SLC35D4: variants seen among roughly 807,000 people sequenced by gnomAD.
SLC35D4 encodes solute carrier family 35 member D4, also known as UDP-N-acetylglucosamine transporter SLC35D4.
chr18:23,424,579 C>A, the SLC35D4 span, among the ~76,000 whole-genome samples: 89 of 152,298 alleles, frequency 5.8e-4, no homozygotes, highest in South Asian at 2.7e-3. Flanking sequence ...TATGCACATT[C>A]GCTAAGTCCC....
chr18:23,364,912 A>G, the SLC35D4 span, among the ~76,000 whole-genome samples: 1 of 1,514 alleles, frequency 6.6e-4, no homozygotes, highest in Admixed American at 0.014. Context: ...CAAAAAAAAA[A>G]AAAAAAAAAA....
chr18:23,365,804 C>T, the SLC35D4 span: 107,361 of 925,350 alleles, frequency 0.12, 6,888 homozygotes, highest in Middle Eastern at 0.16. Flanking sequence ...TGCCTAAATC[C>T]AGCTCCTCAG....
At chr18:23,246,295 A>C in the SLC35D4 span, among the ~76,000 whole-genome samples, 942 of 152,060 alleles carry the variant, frequency 6.2e-3, 7 homozygotes, top group African/African-American at 0.019. Flanking sequence ...GTGGTCACTC[A>C]GACTGTCCCA....
chr18:23,251,343 C>T, the SLC35D4 span, among the ~76,000 whole-genome samples: 4 of 152,176 alleles, frequency 2.6e-5, no homozygotes, highest in South Asian at 2.1e-4. Context: ...TCCAGCTACT[C>T]GGAAGGCTGA....
At chr18:23,245,311 C>T in the SLC35D4 span, among the ~76,000 whole-genome samples, 2 of 152,058 alleles carry the variant, frequency 1.3e-5, no homozygotes, top group Non-Finnish European at 2.9e-5. Flanking sequence ...AGTTGGAGAC[C>T]AGCCTAGCCA....
the SLC35D4 span, among the ~76,000 whole-genome samples, chr18:23,246,503 T>C: frequency 3.3e-5 from 5 of 151,840 alleles, no homozygotes; most frequent in Non-Finnish European, 7.4e-5. Flanking sequence ...GCCATTCTCC[T>C]GCGTCAGCCT....
chr18:23,371,065 C>G, the SLC35D4 span, among the ~76,000 whole-genome samples: 1 of 150,930 alleles, frequency 6.6e-6, no homozygotes, highest in Admixed American at 6.6e-5. Context: ...TTCCCACCCT[C>G]CCTCTCTCCT....
chr18:23,424,726 G>A, the SLC35D4 span, among the ~76,000 whole-genome samples: 1 of 152,152 alleles, frequency 6.6e-6, no homozygotes, highest in African/African-American at 2.4e-5. Context: ...TTGCTATGAG[G>A]CTGGGCACAG....
chr18:23,408,943 T>C, the SLC35D4 span, among the ~76,000 whole-genome samples: 1 of 151,920 alleles, frequency 6.6e-6, no homozygotes, highest in Non-Finnish European at 1.5e-5. Flanking sequence ...CAGACCAGCC[T>C]GGCCAACATA....
chr18:23,364,915 A>G, the SLC35D4 span, among the ~76,000 whole-genome samples: 5 of 1,858 alleles, frequency 2.7e-3, 1 homozygote, highest in South Asian at 0.059. Flanking sequence ...AAAAAAAAAA[A>G]AAAAAAAAAA....
chr18:23,296,675 A>T, the SLC35D4 span: 3 of 152,248 alleles, frequency 2.0e-5, no homozygotes, highest in African/African-American at 7.2e-5. Flanking sequence ...AATGATTTGA[A>T]ATCTCTGAGA....
the SLC35D4 span, among the ~76,000 whole-genome samples, chr18:23,320,039 G>A: frequency 0.2 from 29,647 of 150,566 alleles, 3,983 homozygotes; most frequent in African/African-American, 0.38. Flanking sequence ...ATGGGTTGAT[G>A]GCAGTGAATA....
chr18:23,437,873 C>A, the SLC35D4 span: 3 of 1,603,032 alleles, frequency 1.9e-6, no homozygotes, highest in East Asian at 4.6e-5. Context: ...GTCCCCTTCT[C>A]GGGGATCCAC....
the SLC35D4 span, among the ~76,000 whole-genome samples, chr18:23,334,636 AAAC>A: frequency 6.6e-6 from 1 of 152,198 alleles, no homozygotes; most frequent in Non-Finnish European, 1.5e-5. Context: ...TACATAAACA[AAAC>A]AACACCAAAC....
chr18:23,391,156 GAGC>G, the SLC35D4 span, among the ~76,000 whole-genome samples: 1 of 151,670 alleles, frequency 6.6e-6, no homozygotes, highest in Non-Finnish European at 1.5e-5. Context: ...AAGGGAGGCA[GAGC>G]CTGCAGTGAG....
At chr18:23,247,839 G>A in the SLC35D4 span, among the ~76,000 whole-genome samples, 1 of 152,234 alleles carries the variant, frequency 6.6e-6, no homozygotes. Flanking sequence ...GATGACTGGA[G>A]AGCCTCGTCC....
At chr18:23,422,447 T>C in the SLC35D4 span, among the ~76,000 whole-genome samples, 2 of 152,106 alleles carry the variant, frequency 1.3e-5, no homozygotes, top group African/African-American at 2.4e-5. Context: ...CAATATCCTA[T>C]TGATTTTATT....
At chr18:23,400,485 A>G in the SLC35D4 span, among the ~76,000 whole-genome samples, 6 of 152,070 alleles carry the variant, frequency 3.9e-5, no homozygotes, top group South Asian at 2.1e-4. Context: ...TTAGCCAGGC[A>G]TGGTGGTGGC....
chr18:23,292,939 T>C, the SLC35D4 span, among the ~76,000 whole-genome samples: 1 of 152,090 alleles, frequency 6.6e-6, no homozygotes. Flanking sequence ...GTAGATGAAC[T>C]GCTCTAAATC....
Sources: allele counts gnomAD v4.1 joint callset (sites outside exome capture counted in the v4.1 genomes callset), GRCh38; gene constraint gnomAD v4.1.1; transcripts MANE v1.5; gene names NCBI Gene and HGNC (gene_info 2026-07-23, HGNC 2026-07-21).